Variants in PRUNE1 observed in about 807,000 individuals in gnomAD.
PRUNE1 encodes prune exopolyphosphatase 1.
PRUNE1 carries 25 observed loss-of-function variants against 42.5 expected under a neutral mutation model. The ratio of observed to expected loss-of-function variants is 0.59; its 90% CI spans 0.43 to 0.82. The LOEUF is 0.82. PRUNE1 is among the 40% of genes least tolerant of loss of function. The pLI is 0.00. For missense variants in PRUNE1, 443 were observed against 539.3 expected (o/e 0.82, Z 1.77); for synonymous variants, 203 against 217.1 (o/e 0.93, Z 0.57).
At chr1:151,009,086 T>C (rs1205014587) in intron 1 of PRUNE1, among the ~76,000 whole-genome samples, 1 of 152,134 alleles carries the variant, frequency 6.6e-6, no homozygotes, top group Non-Finnish European at 1.5e-5. Context: ...AAGGCTTCGC[T>C]TGGCCCACTG....
rs61399605 is a variant in PRUNE1, at chr1:151,019,556, C to CAAAAAAAAA, written c.335+897_335+905dup. On this transcript the variant is annotated intron_variant, in intron 3 of 7. Transcript: ENST00000271620. ...TGGGAGACAGAGGGAGACCCTGTCTCAAAAAAAAAAAAAAAAAAGATTCTG... is the reference window on the plus strand; with the variant it reads ...TGGGAGACAGAGGGAGACCCTGTCTCAAAAAAAAAAAAAAAAAAAAAAAAAAAGATTCTG... Among the ~76,000 whole-genome samples the CAAAAAAAAA allele has an allele frequency of 1.5e-4, 16 of 106,210 alleles. No homozygotes were observed. The South Asian group carries it at 5.2e-3, about 34-fold the overall frequency. The allele number at this position is 106,210 out of a possible 152,430, so 69.7% of individuals were successfully genotyped here. A position where few individuals can be genotyped will look rare whatever the true frequency, so the allele number is the denominator to read the frequency against.
chr1:151,014,921 G>A (rs587648063), intron 1 of PRUNE1, among the ~76,000 whole-genome samples: 1 of 152,336 alleles, frequency 6.6e-6, no homozygotes, highest in African/African-American at 2.4e-5. Context: ...GCTGGGCATG[G>A]TGGCTCATGC....
rs184433705 is a variant in PRUNE1 at position 151,028,615 on chromosome 1, G to C, written c.775-171G>C. ...ATTTTTGTATTTTTACCAGAGACAG[G>C]GTTTCACCATGTTGGCTAGGCTGGT... On this transcript the variant is annotated intron_variant, in intron 6 of 7. Coordinates refer to ENST00000271620, the MANE Select transcript of PRUNE1 (RefSeq NM_021222.3). Among the ~76,000 whole-genome samples, 434 of 152,132 alleles carry C rather than the reference G, an allele frequency of 2.9e-3. 3 individuals carry two copies. The highest frequency in any genetic ancestry group is 9.9e-3 in the African/African-American group (412 of 41,490).
chr1:151,026,284 C>T (rs1674833332), intron 5 of PRUNE1, among the ~76,000 whole-genome samples: 1 of 151,566 alleles, frequency 6.6e-6, no homozygotes, highest in Admixed American at 6.6e-5. Flanking sequence ...TGGTGAAACT[C>T]CGTTTCTACT....
Position 151,033,957 on chromosome 1 carries a change from A to G in PRUNE1, c.1085A>G (p.Tyr362Cys), listed in dbSNP as rs139640287. 3.7e-6 allele frequency: 6 copies of G among 1,614,008 alleles called. No homozygotes were observed. Among genetic ancestry groups the G allele is most frequent in the Non-Finnish European group, 5.1e-6 (6 of 1,180,026 alleles). The change falls in exon 8 of 8, where the codon TAT (tyrosine) becomes TGT (cysteine). Residue 362 changes from tyrosine to cysteine, a missense_variant. Physicochemically the swap from Tyr to Cys is radical, Grantham distance 194. Coordinates refer to ENST00000271620, the MANE Select transcript of PRUNE1 (RefSeq NM_021222.3). ...CTGCTCCAGGAAGCCCTGTCAGCATATTTTGACTCCATGAAGATCCCTTCA... is the reference window on the plus strand; with the variant it reads ...CTGCTCCAGGAAGCCCTGTCAGCATGTTTTGACTCCATGAAGATCCCTTCA... ...LPLLQEALSA[Y>C]FDSMKIPSGQ...
At chr1:151,015,102 C>T (rs587765568) in intron 1 of PRUNE1, among the ~76,000 whole-genome samples, 20 of 152,088 alleles carry the variant, frequency 1.3e-4, no homozygotes, top group African/African-American at 3.6e-4. Context: ...CTGAGGCGGG[C>T]GGATCACCTG....
In PRUNE1 at chr1:151,034,323, C is replaced by G; in HGVS notation, c.*89C>G. 7.4e-7 allele frequency: 1 copy of G among 1,345,904 alleles called. No homozygotes were observed. Among genetic ancestry groups the G allele is most frequent in the Admixed American group, 1.9e-5 (1 of 51,744 alleles). 83.4% of individuals were successfully genotyped at this position (1,345,904 alleles called of 1,614,324 possible). ...ATGTTTGGAGATTCAGCAATTCTGT[C>G]TTCATTGCTCCAGGATCTGGTATAC... is the stretch of plus-strand genomic sequence containing the variant. On this transcript the variant is annotated 3_prime_UTR_variant, in exon 8 of 8. Transcript: ENST00000271620.
intron 7 of PRUNE1, among the ~76,000 whole-genome samples, chr1:151,029,602 C>T (rs1166650726): frequency 1.3e-5 from 2 of 151,488 alleles, no homozygotes; most frequent in South Asian, 2.1e-4. Flanking sequence ...CTCCTGACCT[C>T]GTGATCCGCC....
intron 2 of PRUNE1, chr1:151,018,223 T>C: frequency 1.5e-6 from 1 of 689,344 alleles, no homozygotes. Context: ...GGACTAAAAA[T>C]TCCTTCTCTG....
At chr1:151,031,640 C>A (rs1381686482) in intron 7 of PRUNE1, among the ~76,000 whole-genome samples, 1 of 152,122 alleles carries the variant, frequency 6.6e-6, no homozygotes, top group Non-Finnish European at 1.5e-5. Context: ...AGGCAAGTTA[C>A]CTGATCATTG....
intron 3 of PRUNE1, among the ~76,000 whole-genome samples, chr1:151,021,813 G>C (rs902927104): frequency 9.3e-5 from 14 of 150,890 alleles, no homozygotes; most frequent in African/African-American, 3.4e-4. Flanking sequence ...CGCCTCCCGG[G>C]ATAATTTTGT....
intron 1 of PRUNE1, among the ~76,000 whole-genome samples, chr1:151,009,446 T>C (rs1003887652): frequency 1.3e-5 from 2 of 152,190 alleles, no homozygotes; most frequent in African/African-American, 4.8e-5. Context: ...TCTGACTCAG[T>C]TGGACTCACC....
chr1:151,009,481 C>CTAA lies in PRUNE1; in HGVS notation c.39+810_39+811insTAA, dbSNP rs148685179. On this transcript the variant is annotated intron_variant, in intron 1 of 7. Coordinates refer to ENST00000271620, the MANE Select transcript of PRUNE1 (RefSeq NM_021222.3). ...CCAGCCATGCTGAGCCGTCATGAGG[C>CTAA]ATTAGGCTGTTATCCCCAGTTAGCA... Among the ~76,000 whole-genome samples, 1,330 of 152,326 alleles carry CTAA rather than the reference C, an allele frequency of 8.7e-3. 9 individuals carry two copies. The highest frequency in any genetic ancestry group is 0.012 in the Non-Finnish European group (842 of 68,030).
Position 151,024,635 on chromosome 1 carries a change from A to G in PRUNE1, c.360A>G (p.Ala120=). 2 of 1,611,582 alleles carry G rather than the reference A, an allele frequency of 1.2e-6. No homozygotes were observed. The highest frequency in any genetic ancestry group is 2.2e-5 in the East Asian group (1 of 44,866). ...GAAGTGACACAGCCCTAGAGGAGGC[A>G]GTAGCAGAGGTGCTAGACCATCGAC... ...LSKSDTALEE[A]VAEVLDHRPI... is the part of the protein sequence containing the mutation. The change falls in exon 4 of 8, where the codon GCA becomes GCG. Residue 120 remains alanine, a synonymous_variant. Coordinates refer to ENST00000271620, the MANE Select transcript of PRUNE1 (RefSeq NM_021222.3).
At chr1:151,014,354 T>A (rs182924444) in intron 1 of PRUNE1, among the ~76,000 whole-genome samples, 454 of 152,294 alleles carry the variant, frequency 3.0e-3, no homozygotes, top group Non-Finnish European at 5.4e-3. Context: ...TTAGGGGCCC[T>A]TTGGGCAGAA....
At chr1:151,010,112 A>G (rs747036228) in intron 1 of PRUNE1, among the ~76,000 whole-genome samples, 2 of 152,000 alleles carry the variant, frequency 1.3e-5, no homozygotes, top group Middle Eastern at 3.4e-3. Context: ...GTATTTGTTT[A>G]TTTATTTTCA....
At chr1:151,024,329 C>A (rs1446575425) in intron 3 of PRUNE1, among the ~76,000 whole-genome samples, 2 of 151,870 alleles carry the variant, frequency 1.3e-5, no homozygotes, top group African/African-American at 4.8e-5. Context: ...CCCATCTCTA[C>A]TAAAAATACA....
intron 1 of PRUNE1, among the ~76,000 whole-genome samples, chr1:151,013,652 G>A (rs1020238927): frequency 3.3e-5 from 5 of 152,072 alleles, no homozygotes; most frequent in African/African-American, 9.7e-5. Context: ...TTTCTCCACT[G>A]CTCTTATGTT....
chr1:151,017,871 G>A lies in PRUNE1; in HGVS notation c.99G>A (p.Val33=). Residue 33 remains valine (V), a synonymous_variant, in exon 2 of 8, where the codon GTG becomes GTA. Transcript: ENST00000271620. Reference sequence around the variant, plus strand: ...AAGCCTGTGATTTGGACTCCACAGTGTCTGCTCTTGCCCTGGCTTTTTACC... The same window carrying A: ...AAGCCTGTGATTTGGACTCCACAGTATCTGCTCTTGCCCTGGCTTTTTACC... The part of the protein sequence containing the change: ...GNEACDLDST[V]SALALAFYLA... 6.2e-7 allele frequency: 1 copy of A among 1,604,464 alleles called. No individual in the cohort carries two copies. The highest frequency in any genetic ancestry group is 8.5e-7 in the Non-Finnish European group (1 of 1,171,318).
Sources: allele counts gnomAD v4.1 joint callset (sites outside exome capture counted in the v4.1 genomes callset), GRCh38; gene constraint gnomAD v4.1.1; transcripts MANE v1.5; gene names NCBI Gene and HGNC (gene_info 2026-07-23, HGNC 2026-07-21).